The following STK32C variants were observed in gnomAD, a reference collection of about 807,000 sequenced individuals.
STK32C encodes serine/threonine kinase 32C.
Under a neutral mutation model 56.5 loss-of-function variants are expected in STK32C, and 31 were observed. The observed-to-expected ratio is 0.55, with a 90% CI of 0.41 to 0.74. STK32C has a LOEUF of 0.74. STK32C is among the 30% of genes least tolerant of loss of function. STK32C has a pLI of 0.00. For synonymous variants in STK32C, 309 were observed against 289.4 expected (o/e 1.07, Z -0.69); for missense variants, 544 against 676.9 (o/e 0.80, Z 2.18).
chr10:132,304,317 C>A (rs34069003), intron 1 of STK32C, among the ~76,000 whole-genome samples: 21,230 of 152,074 alleles, frequency 0.14, 2,010 homozygotes, highest in Non-Finnish European at 0.22. Flanking sequence ...GCCCCTGAGC[C>A]CCACCCCCAA....
intron 2 of STK32C, among the ~76,000 whole-genome samples, chr10:132,239,236 C>T (rs1037627171): frequency 2.6e-5 from 4 of 152,174 alleles, no homozygotes; most frequent in Non-Finnish European, 4.4e-5. Context: ...CACAGCCTGT[C>T]CTGGGGCCCT....
In STK32C at chr10:132,295,166, C is replaced by T. The variant is rs189383116; in HGVS notation, c.262+12406G>A. ...GACAGGAAAAGCTAAGAGTCTTAAG[C>T]CGGCAGTGACACCATGGGCTTCGTA... On this transcript the variant is annotated intron_variant, in intron 1 of 11. Transcript: ENST00000298630. Among the ~76,000 whole-genome samples, 109 of 152,230 alleles carry T rather than the reference C, an allele frequency of 7.2e-4. 1 individual carries two copies. The highest frequency in any genetic ancestry group is 2.6e-3 in the African/African-American group (106 of 41,530).
intron 1 of STK32C, among the ~76,000 whole-genome samples, chr10:132,292,925 G>A (rs548441316): frequency 7.8e-4 from 113 of 145,704 alleles, no homozygotes; most frequent in African/African-American, 2.6e-3. Flanking sequence ...CCATGCAGAC[G>A]TCCTCCTCCT....
intron 1 of STK32C, among the ~76,000 whole-genome samples, chr10:132,290,052 G>A (rs531659360): frequency 1.6e-4 from 24 of 152,162 alleles, no homozygotes; most frequent in Non-Finnish European, 2.8e-4. Flanking sequence ...ACAGCAATCC[G>A]ATTTGGCCAC....
At chr10:132,238,657 A>C (rs1315269436) in intron 2 of STK32C, among the ~76,000 whole-genome samples, 1 of 152,102 alleles carries the variant, frequency 6.6e-6, no homozygotes, top group Non-Finnish European at 1.5e-5. Context: ...TTTGAAAGGC[A>C]ACCAAAGGCA....
At chr10:132,250,102 C>T (rs1420568202) in intron 1 of STK32C, among the ~76,000 whole-genome samples, 2 of 152,244 alleles carry the variant, frequency 1.3e-5, no homozygotes, top group South Asian at 2.1e-4. Flanking sequence ...GTCCATCAAA[C>T]TCCTCTCATG....
chr10:132,264,642 G>T (rs986996113), intron 1 of STK32C, among the ~76,000 whole-genome samples: 4 of 152,218 alleles, frequency 2.6e-5, no homozygotes, highest in Non-Finnish European at 5.9e-5. Flanking sequence ...TGAGCTGATG[G>T]GGGGCATGGA....
chr10:132,298,615 G>A (rs557172427), intron 1 of STK32C, among the ~76,000 whole-genome samples: 5 of 152,150 alleles, frequency 3.3e-5, no homozygotes, highest in East Asian at 1.9e-4. Context: ...GGAGGGGAGC[G>A]CCCTGTGTGG....
chr10:132,249,185 G>A (rs1417775522), intron 1 of STK32C: 2 of 380,528 alleles, frequency 5.3e-6, no homozygotes, highest in East Asian at 1.5e-4. Context: ...GGGGGTCAGG[G>A]CGTGTCAGGG....
chr10:132,312,419 G>A (rs1296995171), upstream of STK32C, among the ~76,000 whole-genome samples: 2 of 152,090 alleles, frequency 1.3e-5, no homozygotes, highest in African/African-American at 4.8e-5. Context: ...ATCAGGCATG[G>A]GTGAGACCTC....
intron 2 of STK32C, among the ~76,000 whole-genome samples, chr10:132,236,405 G>A (rs536641265): frequency 1.0e-3 from 155 of 152,370 alleles, no homozygotes; most frequent in African/African-American, 3.4e-3. Flanking sequence ...GTCCAGATGA[G>A]GAAGCTGAGG....
upstream of STK32C, among the ~76,000 whole-genome samples, chr10:132,308,313 C>G (rs971788153): frequency 1.1e-4 from 16 of 152,160 alleles, no homozygotes; most frequent in African/African-American, 3.4e-4. Flanking sequence ...GCGTCCCTGG[C>G]ACGGGGACTG....
Position 132,330,550 on chromosome 10 carries a change from G to A in STK32C, c.301+886C>T, listed in dbSNP as rs1377892670. On this transcript the variant is annotated intron_variant, in intron 1 of 1. Transcript: ENST00000368619. Reference sequence around the variant, plus strand: ...TTTGAGACAGGGTCTCGCTGTCACCGAAGCTGACATTAAGTGGCACAATCA... The same window carrying A: ...TTTGAGACAGGGTCTCGCTGTCACCAAAGCTGACATTAAGTGGCACAATCA... 4 of 714,712 alleles carry A rather than the reference G, an allele frequency of 5.6e-6. No individual in the cohort carries two copies. In the Admixed American group the frequency reaches 6.0e-5, roughly 11 times the overall value. 44.3% of individuals were successfully genotyped at this position (714,712 alleles called of 1,614,324 possible). A position where few individuals can be genotyped will look rare whatever the true frequency, so the allele number is the denominator to read the frequency against.
At chr10:132,267,256 G>A (rs941729611) in intron 1 of STK32C, among the ~76,000 whole-genome samples, 1 of 152,214 alleles carries the variant, frequency 6.6e-6, no homozygotes, top group African/African-American at 2.4e-5. Flanking sequence ...TTGAAACCTG[G>A]CCAAAATGCG....
chr10:132,232,443 T>C (rs2063136760), intron 2 of STK32C, among the ~76,000 whole-genome samples: 2 of 152,130 alleles, frequency 1.3e-5, no homozygotes, highest in African/African-American at 4.8e-5. Context: ...GTGCAGTCTC[T>C]GTCTGGAGGG....
chr10:132,225,468 T>C (rs755936539), intron 6 of STK32C, 59 bp downstream of exon 6: 1 of 1,605,124 alleles, frequency 6.2e-7, no homozygotes, highest in South Asian at 1.1e-5. Context: ...GCCACCGAGG[T>C]CTTGTCCTTC....
At chr10:132,214,082 G>C (rs1218173859) in intron 10 of STK32C, among the ~76,000 whole-genome samples, 1 of 151,996 alleles carries the variant, frequency 6.6e-6, no homozygotes, top group East Asian at 1.9e-4. Context: ...AAGAGAAAGA[G>C]AACAGAATAT....
At chr10:132,213,535 A>G (rs954777392) in intron 10 of STK32C, among the ~76,000 whole-genome samples, 9 of 152,260 alleles carry the variant, frequency 5.9e-5, no homozygotes, top group African/African-American at 7.2e-5. Context: ...GCCAGATTAC[A>G]TAAACCTCAC....
At chr10:132,293,690 G>A (rs1331492340) in intron 1 of STK32C, among the ~76,000 whole-genome samples, 1 of 152,214 alleles carries the variant, frequency 6.6e-6, no homozygotes, top group African/African-American at 2.4e-5. Flanking sequence ...GAGTGGGGGT[G>A]GGGAGATCAC....
Sources: gnomAD v4.1 joint callset for allele counts (sites outside exome capture counted in the v4.1 genomes callset) on GRCh38, gnomAD v4.1.1 for gene constraint, MANE v1.5 for transcripts, NCBI Gene and HGNC (gene_info 2026-07-23, HGNC 2026-07-21) for gene names.